KAZN: variants seen among roughly 807,000 people sequenced by gnomAD.
KAZN encodes the protein kazrin, periplakin interacting protein.
Under a neutral mutation model 87.4 loss-of-function variants are expected in KAZN, and 40 were observed. That is an observed-to-expected ratio of 0.46 (90% CI 0.36 to 0.60). The LOEUF is 0.60. Among genes scored for constraint, KAZN ranks in the 20% least tolerant of loss-of-function variants. The pLI is 0.00. For missense variants in KAZN, 898 were observed against 1,073.9 expected (o/e 0.84, Z 2.29); for synonymous variants, 466 against 458.3 (o/e 1.02, Z -0.22).
At chr1:14,256,962 C>A (rs924926482) in intron 2 of KAZN, among the ~76,000 whole-genome samples, 48 of 152,106 alleles carry the variant, frequency 3.2e-4, no homozygotes, top group Admixed American at 1.1e-3. Context: ...TCAGTCCTTG[C>A]TTGATTCCCA....
chr1:14,802,448 G>A (rs1042123199), intron 1 of KAZN, among the ~76,000 whole-genome samples: 1 of 151,826 alleles, frequency 6.6e-6, no homozygotes, highest in Non-Finnish European at 1.5e-5. Context: ...CCACCCAGGG[G>A]ACACTGGGCA....
intron 2 of KAZN, among the ~76,000 whole-genome samples, chr1:14,415,053 A>G (rs1021016615): frequency 2.0e-5 from 3 of 152,146 alleles, no homozygotes; most frequent in Non-Finnish European, 4.4e-5. Flanking sequence ...ACGTACATAC[A>G]TACAAAAAAG....
intron 3 of KAZN, among the ~76,000 whole-genome samples, chr1:15,041,257 C>T (rs1039470227): frequency 8.6e-5 from 13 of 151,280 alleles, no homozygotes; most frequent in Non-Finnish European, 1.5e-4. Flanking sequence ...CCACCGCACC[C>T]GGCTCCTAGC....
rs1056464979 is a variant in KAZN at position 14,906,769 on chromosome 1, G to A, written c.227-53915G>A. Among the ~76,000 whole-genome samples the A allele has an allele frequency of 5.3e-5, 8 of 149,704 alleles. No individual in the cohort carries two copies. In the South Asian group the frequency reaches 1.1e-3, roughly 20 times the overall value. ...TCCTAGATACTTATCATTGAGGGGA[G>A]GTGGGGGAAAAAAACCACCCCCAGG... On this transcript the variant is annotated intron_variant, in intron 1 of 14. Transcript: ENST00000376030.
rs541183166 is a variant in KAZN, at chr1:15,055,082, A to G, written c.727-1009A>G. Among the ~76,000 whole-genome samples, 258 of 149,422 alleles carry G rather than the reference A, an allele frequency of 1.7e-3. 4 individuals are homozygous for G. The highest frequency in any genetic ancestry group is 5.3e-4 in the Non-Finnish European group (36 of 67,570). ...TGACAGGGAGAAGAAGCAGCCTTCAATCTTGCAAGGAGTTAAACTAATGGG... is the reference window on the plus strand; with the variant it reads ...TGACAGGGAGAAGAAGCAGCCTTCAGTCTTGCAAGGAGTTAAACTAATGGG... On this transcript the variant is annotated intron_variant, in intron 4 of 14. Coordinates refer to ENST00000376030, the MANE Select transcript of KAZN (RefSeq NM_201628.3).
intron 2 of KAZN, among the ~76,000 whole-genome samples, chr1:14,431,676 GCTTCCTTCTT>G (rs1666080168): frequency 6.6e-6 from 1 of 152,120 alleles, no homozygotes; most frequent in Admixed American, 6.6e-5. Flanking sequence ...GGGTCTTCTG[GCTTCCTTCTT>G]CTTCCTGCCT....
chr1:14,463,638 T>C (rs534680400), intron 2 of KAZN, among the ~76,000 whole-genome samples: 2 of 152,314 alleles, frequency 1.3e-5, no homozygotes, highest in East Asian at 3.9e-4. Flanking sequence ...ATATATACTA[T>C]GACAATTTCC....
At chr1:15,054,541 A>G (rs1010180508) in intron 4 of KAZN, among the ~76,000 whole-genome samples, 2 of 151,946 alleles carry the variant, frequency 1.3e-5, no homozygotes, top group African/African-American at 4.8e-5. Context: ...AATCCCAGCT[A>G]CTCAGGAGAC....
chr1:14,151,181 T>C (rs1320308994), intron 1 of KAZN, among the ~76,000 whole-genome samples: 1 of 144,500 alleles, frequency 6.9e-6, no homozygotes, highest in Non-Finnish European at 1.5e-5. Context: ...TGTTTACTAA[T>C]TCTGTTTCCA....
intron 2 of KAZN, among the ~76,000 whole-genome samples, chr1:15,009,856 A>T (rs1371891310): frequency 6.6e-6 from 1 of 152,208 alleles, no homozygotes; most frequent in East Asian, 1.9e-4. Flanking sequence ...GTTCCTCCCC[A>T]TAATATTTTG....
At chr1:14,052,612 T>C (rs1642386362) in intron 1 of KAZN, among the ~76,000 whole-genome samples, 1 of 151,752 alleles carries the variant, frequency 6.6e-6, no homozygotes, top group African/African-American at 2.4e-5. Context: ...TCAAATGCTT[T>C]GGGCCCTACT....
In KAZN at chr1:13,921,045, A is replaced by G. The variant is rs1419394650; in HGVS notation, c.91+27289A>G. On this transcript the variant is annotated intron_variant, in intron 1 of 16. Coordinates refer to the KAZN transcript ENST00000636203. ...GTCCCAGACCCATGCTAAGTCATCTATATGCATTGTTTCAGGACCTCTATG... is the reference window on the plus strand; with the variant it reads ...GTCCCAGACCCATGCTAAGTCATCTGTATGCATTGTTTCAGGACCTCTATG... 2.0e-4 allele frequency among the ~76,000 whole-genome samples: 31 copies of G among 152,160 alleles called. 1 individual carries two copies. Among genetic ancestry groups the G allele is most frequent in the Admixed American group, 2.0e-3 (31 of 15,274 alleles).
chr1:14,434,327 T>G (rs1273583519), intron 2 of KAZN, among the ~76,000 whole-genome samples: 1 of 152,184 alleles, frequency 6.6e-6, no homozygotes, highest in Non-Finnish European at 1.5e-5. Context: ...AATTCAAGTC[T>G]GGGTTCTAAT....
intron 1 of KAZN, among the ~76,000 whole-genome samples, chr1:14,935,683 C>T (rs374979679): frequency 9.9e-4 from 151 of 152,262 alleles, no homozygotes; most frequent in African/African-American, 3.5e-3. Flanking sequence ...CCTCCCTCTC[C>T]CCTCTCCCTT....
upstream of KAZN, among the ~76,000 whole-genome samples, chr1:14,594,117 T>C (rs1300509589): frequency 1.3e-5 from 2 of 152,182 alleles, no homozygotes; most frequent in Non-Finnish European, 2.9e-5. Context: ...GGCAACCATA[T>C]ATACTGGGTT....
intron 1 of KAZN, among the ~76,000 whole-genome samples, chr1:14,779,781 A>G (rs530771911): frequency 1.3e-5 from 2 of 152,316 alleles, no homozygotes; most frequent in African/African-American, 2.4e-5. Flanking sequence ...AATTTGTTCA[A>G]CTTTCTTTTC....
chr1:13,959,801 C>T (rs899247195), intron 1 of KAZN, among the ~76,000 whole-genome samples: 1 of 152,160 alleles, frequency 6.6e-6, no homozygotes, highest in Non-Finnish European at 1.5e-5. Context: ...AGATTGTGAG[C>T]TCCTTGTGCA....
chr1:14,301,384 C>T (rs1161636294), intron 2 of KAZN, among the ~76,000 whole-genome samples: 1 of 152,234 alleles, frequency 6.6e-6, no homozygotes, highest in African/African-American at 2.4e-5. Context: ...TCTAACTCCC[C>T]AGTCCCATCG....
chr1:14,339,730 A>G (rs1657548141), intron 2 of KAZN, among the ~76,000 whole-genome samples: 1 of 152,190 alleles, frequency 6.6e-6, no homozygotes, highest in Non-Finnish European at 1.5e-5. Flanking sequence ...AGCAATTTAA[A>G]TGTTAGTTTT....
Sources: allele counts gnomAD v4.1 joint callset (sites outside exome capture counted in the v4.1 genomes callset), GRCh38; gene constraint gnomAD v4.1.1; transcripts MANE v1.5; gene names NCBI Gene and HGNC (gene_info 2026-07-23, HGNC 2026-07-21).